CSPP1: variants seen among roughly 807,000 people sequenced by gnomAD.
CSPP1 encodes the protein centrosome and spindle pole associated protein 1, also known as centrosome and spindle pole-associated protein 1.
A neutral mutation model predicts 164.4 loss-of-function variants in CSPP1; 126 were observed. That is an observed-to-expected ratio of 0.77 (90% confidence interval 0.66 to 0.89). The LOEUF is 0.89. CSPP1 is among the 40% of genes least tolerant of loss of function. The pLI is 0.00. For synonymous variants in CSPP1, 472 were observed against 476.7 expected (o/e 0.99, Z 0.13); for missense variants, 1,395 against 1,449.8 (o/e 0.96, Z 0.61).
Position 67,175,581 on chromosome 8 carries a change from C to A in CSPP1, c.3109+145C>A, listed in dbSNP as rs1334452463. 7 of 907,974 alleles carry A rather than the reference C, an allele frequency of 7.7e-6. No homozygotes were observed. The Admixed American group carries it at 7.9e-5, about 10-fold the overall frequency. 56.2% of individuals were successfully genotyped at this position (907,974 alleles called of 1,614,324 possible). ...CACAGGGTCCGTTTGGTCTGTAGTA[C>A]CAGAAAAGAACAAGTATGAGAGAGA... On this transcript the variant is annotated intron_variant, in intron 26 of 30. Transcript: ENST00000678616.
chr8:67,139,530 A>G (rs1223331885), intron 17 of CSPP1, among the ~76,000 whole-genome samples: 2 of 152,272 alleles, frequency 1.3e-5, no homozygotes, highest in Non-Finnish European at 2.9e-5. Flanking sequence ...GCTGCTATAA[A>G]GACACATGCA....
intron 17 of CSPP1, among the ~76,000 whole-genome samples, chr8:67,143,735 G>C (rs1823944055): frequency 6.6e-6 from 1 of 151,994 alleles, no homozygotes; most frequent in Admixed American, 6.6e-5. Context: ...GTTCATTGAT[G>C]GTCTATAGAA....
At position 67,193,456 on chromosome 8, in the gene CSPP1, A is replaced by G. The variant is rs759625012; in HGVS notation, c.3331-8A>G. ...ATGACTTTCTGAAGTTCTGTTTTCT[A>G]ACTACAGGATAGCAGTCGTCCTAAT... On this transcript the variant is annotated splice_polypyrimidine_tract_variant and splice_region_variant and intron_variant, in intron 29 of 30. Coordinates refer to ENST00000678616, the MANE Select transcript of CSPP1 (RefSeq NM_001382391.1). 3.7e-6 allele frequency: 6 copies of G among 1,607,882 alleles called. No individual in the cohort carries two copies. In the East Asian group the frequency reaches 8.9e-5, roughly 24 times the overall value.
At position 67,196,454 on chromosome 8, in the gene CSPP1, A is replaced by G. The variant is rs1837957599; in HGVS notation, c.*861A>G. On this transcript the variant is annotated 3_prime_UTR_variant, in exon 31 of 31. Coordinates refer to ENST00000678616, the MANE Select transcript of CSPP1 (RefSeq NM_001382391.1). ...TCTAAAAAAGGAAAGAGTCATTCAA[A>G]TAATTGTGACATTCTGACTCAGATT... Among the ~76,000 whole-genome samples, 1 of 152,212 alleles carries G rather than the reference A, an allele frequency of 6.6e-6. No individual in the cohort carries two copies. Among genetic ancestry groups the G allele is most frequent in the African/African-American group, 2.4e-5 (1 of 41,436 alleles).
intron 19 of CSPP1, chr8:67,157,705 A>C (rs1011752640): frequency 6.6e-6 from 1 of 152,288 alleles, no homozygotes; most frequent in Non-Finnish European, 1.5e-5. Flanking sequence ...AACCAGAGAC[A>C]TGAATACCTG....
At position 67,149,946 on chromosome 8, in the gene CSPP1, ACT is replaced by A. The variant is rs1825368545; in HGVS notation, c.2128+12_2128+13del. On this transcript the variant is annotated intron_variant, in intron 18 of 30. Transcript: ENST00000678616. ...CAAATAAAAGCTCAGGTTTTTAATC[ACT>A]TTTTTTTTTTTTTTTTTTTTTTTAC... 34 of 1,365,000 alleles carry A rather than the reference ACT, an allele frequency of 2.5e-5. No individual in the cohort carries two copies. Among genetic ancestry groups the A allele is most frequent in the East Asian group, 8.1e-5 (3 of 37,064 alleles). The allele number at this position is 1,365,000 out of a possible 1,614,324, so 84.6% of individuals were successfully genotyped here. A position where few individuals can be genotyped will look rare whatever the true frequency, so the allele number is the denominator to read the frequency against.
chr8:67,148,999 C>G (rs149653047), intron 17 of CSPP1, among the ~76,000 whole-genome samples: 1 of 152,230 alleles, frequency 6.6e-6, no homozygotes, highest in African/African-American at 2.4e-5. Context: ...GTGGTTCTGT[C>G]TCAGGCTCCC....
chr8:67,110,382 G>A (rs1324404006), intron 9 of CSPP1, among the ~76,000 whole-genome samples: 1 of 151,948 alleles, frequency 6.6e-6, no homozygotes, highest in African/African-American at 2.4e-5. Flanking sequence ...ACTACAGAGT[G>A]ACCTTTCTGA....
chr8:67,185,383 G>A (rs1203034891), intron 28 of CSPP1, among the ~76,000 whole-genome samples: 1 of 152,182 alleles, frequency 6.6e-6, no homozygotes, highest in Non-Finnish European at 1.5e-5. Context: ...CTTAAAGAAC[G>A]TTCAGTTTAG....
At position 67,087,832 on chromosome 8, in the gene CSPP1, G is replaced by A. The variant is rs1810722550; in HGVS notation, c.303+1722G>A. The stretch of plus-strand genomic sequence containing the variant: ...ATAGCTTGTGAAGAGCATGGTAACT[G>A]TGTTTTAGGACAGTTAGTTCTGCAT... On this transcript the variant is annotated intron_variant, in intron 4 of 30. Coordinates refer to ENST00000678616, the MANE Select transcript of CSPP1 (RefSeq NM_001382391.1). Among the ~76,000 whole-genome samples the A allele has an allele frequency of 3.3e-5, 5 of 152,204 alleles. No homozygotes were observed. In the South Asian group the frequency reaches 6.2e-4, roughly 19 times the overall value.
chr8:67,165,607 A>AGGAG (rs1284993739), intron 24 of CSPP1, among the ~76,000 whole-genome samples: 1 of 152,196 alleles, frequency 6.6e-6, no homozygotes, highest in Admixed American at 6.5e-5. Context: ...GGTATCCTGT[A>AGGAG]GAATGCCTCC....
chr8:67,144,111 G>GT (rs776936201), intron 17 of CSPP1, among the ~76,000 whole-genome samples: 1 of 152,116 alleles, frequency 6.6e-6, no homozygotes, highest in East Asian at 1.9e-4. Flanking sequence ...TCTATTCCTT[G>GT]TTTGCTTAGA....
In CSPP1 at chr8:67,175,449, C is replaced by T; in HGVS notation, c.3109+13C>T. ...GAAGGTGCCAAAGGTAAGAAATAAT[C>T]ATTGCTGTGTCAAATAGTATCAGCA... is the stretch of plus-strand genomic sequence containing the variant. On this transcript the variant is annotated intron_variant, in intron 26 of 30. Coordinates refer to ENST00000678616, the MANE Select transcript of CSPP1 (RefSeq NM_001382391.1). The T allele has an allele frequency of 6.2e-7, 1 of 1,613,836 alleles. No individual in the cohort carries two copies.
At position 67,118,305 on chromosome 8, in the gene CSPP1, T is replaced by G. The variant is rs1818326006; in HGVS notation, c.1554T>G (p.Thr518=). The G allele has an allele frequency of 6.2e-7, 1 of 1,613,472 alleles. No homozygotes were observed. The highest frequency in any genetic ancestry group is 1.3e-5 in the African/African-American group (1 of 74,998). ...LLPPLATNYR[T]PYDDAYYFYG... is the part of the protein sequence containing the mutation. ...CACCTTTGGCTACTAACTATCGAAC[T>G]CCTTATGATGATGCATACTATTTTT... The change falls in exon 14 of 31, where the codon ACT becomes ACG. Residue 518 remains threonine, a synonymous_variant. Transcript: ENST00000678616.
Position 67,196,298 on chromosome 8 carries a change from T to C in CSPP1, c.*705T>C, listed in dbSNP as rs1179496309. 1 of 152,176 alleles carries C rather than the reference T, an allele frequency of 6.6e-6. No homozygotes were observed. The highest frequency in any genetic ancestry group is 1.5e-5 in the Non-Finnish European group (1 of 68,042). 9.4% of individuals were successfully genotyped at this position (152,176 alleles called of 1,614,324 possible). ...CTACTATGGAGCTTTCTAGACTAGT[T>C]TTCTAGAGGTTGAATAGAGGTGGGG... On this transcript the variant is annotated 3_prime_UTR_variant, in exon 31 of 31. Coordinates refer to ENST00000678616, the MANE Select transcript of CSPP1 (RefSeq NM_001382391.1).
intron 28 of CSPP1, among the ~76,000 whole-genome samples, chr8:67,183,843 ATTTTTTTTTTTTT>A (rs918103972): frequency 1.9e-4 from 21 of 108,214 alleles, no homozygotes; most frequent in South Asian, 6.1e-4. Context: ...AAAATTGGGA[ATTTTTTTTTTTTT>A]TTTTTTTTTT....
At chr8:67,089,487 C>A (rs1173684589) in intron 4 of CSPP1, among the ~76,000 whole-genome samples, 9 of 152,194 alleles carry the variant, frequency 5.9e-5, no homozygotes. Flanking sequence ...TTCTTCCCAC[C>A]CTCATGGCTG....
chr8:67,083,548 A>AAAAAAAAAAAAATATATAT (rs1332248754), intron 3 of CSPP1: 1 of 91,502 alleles, frequency 1.1e-5, no homozygotes, highest in African/African-American at 4.5e-5. Context: ...AAAAAAAAAA[A>AAAAAAAAAAAAATATATAT]ATATATATAT....
Position 67,183,960 on chromosome 8 carries a change from C to T in CSPP1, c.3220+4034C>T, listed in dbSNP as rs187754783. On this transcript the variant is annotated intron_variant, in intron 28 of 30. Coordinates refer to ENST00000678616, the MANE Select transcript of CSPP1 (RefSeq NM_001382391.1). ...CTCCGCCTCCCGGGTTCAAGCGATT[C>T]TCCTGACTCAGTCTCCCAAGTAGTT... 5.5e-3 allele frequency among the ~76,000 whole-genome samples: 810 copies of T among 146,810 alleles called. 11 individuals are homozygous for T. The highest frequency in any genetic ancestry group is 0.02 in the African/African-American group (774 of 39,458).
Sources: gnomAD v4.1 joint callset for allele counts (sites outside exome capture counted in the v4.1 genomes callset) on GRCh38, gnomAD v4.1.1 for gene constraint, MANE v1.5 for transcripts, NCBI Gene and HGNC (gene_info 2026-07-23, HGNC 2026-07-21) for gene names.